EP400: variants seen among roughly 807,000 people sequenced by gnomAD.
EP400 encodes the protein E1A-binding protein p400.
EP400 carries 105 observed loss-of-function variants against 354.1 expected under a neutral mutation model. That is an observed-to-expected ratio of 0.30 (90% CI 0.25 to 0.35). EP400 has a LOEUF of 0.35. Ranked by LOEUF, EP400 falls within the 10% of genes least tolerant of loss-of-function variation. The probability of loss-of-function intolerance (pLI) is 1.00; values close to 1 mark genes in which losing one functional copy is unlikely to be tolerated. For missense variants in EP400, 3,280 were observed against 4,121.0 expected (o/e 0.80, Z 5.59); for synonymous variants, 1,646 against 1,716.9 (o/e 0.96, Z 1.02).
In EP400 at chr12:132,045,727, G is replaced by T; in HGVS notation, c.7027G>T (p.Ala2343Ser). 1 of 1,614,188 alleles carries T rather than the reference G, an allele frequency of 6.2e-7. No homozygotes were observed. The highest frequency in any genetic ancestry group is 1.1e-5 in the South Asian group (1 of 91,078). Reference protein sequence around the residue: ...LISEDWALLQAVKQLLELPLN... With the variant: ...LISEDWALLQSVKQLLELPLN... The stretch of plus-strand genomic sequence containing the variant: ...TTTTACCTGAAATCTCCTTCTCTAG[G>T]CTGTAAAGCAGTTACTGGAGCTGCC... Residue 2343 changes from alanine (A) to serine (S), a missense_variant and splice_region_variant, in exon 39 of 53, where the codon GCT becomes TCT. Ala to Ser is a moderately conservative substitution (Grantham distance 99). Coordinates refer to ENST00000389561, the MANE Select transcript of EP400 (RefSeq NM_015409.5).
At chr12:132,077,327 C>G in intron 52 of EP400, 74 bp from the exon 53 acceptor site, 1 of 1,534,924 alleles carries the variant, frequency 6.5e-7, no homozygotes, top group East Asian at 2.3e-5. Context: ...CTCCCCATCC[C>G]AAAGAACGTC....
At chr12:132,007,126 C>G (rs1387691218) in intron 15 of EP400, among the ~76,000 whole-genome samples, 1 of 152,182 alleles carries the variant, frequency 6.6e-6, no homozygotes, top group Non-Finnish European at 1.5e-5. Flanking sequence ...ATGACTGAAC[C>G]TTGTGACTCC....
At chr12:132,046,637 A>G (rs901760909) in intron 39 of EP400, among the ~76,000 whole-genome samples, 1 of 152,180 alleles carries the variant, frequency 6.6e-6, no homozygotes, top group Non-Finnish European at 1.5e-5. Context: ...ACCCCCGAAG[A>G]GTCCAGGCGG....
rs377251288 is a variant in EP400 at position 131,992,227 on chromosome 12, G to A, written c.2734G>A (p.Glu912Lys). 6.9e-5 allele frequency: 111 copies of A among 1,609,930 alleles called. No homozygotes were observed. The highest frequency in any genetic ancestry group is 2.0e-5 in the Non-Finnish European group (24 of 1,179,564). Residue 912 changes from glutamate to lysine, a missense_variant, in exon 11 of 53, where the codon GAA becomes AAA. Transcript: ENST00000389561. ...RKASISLTDD[E>K]VDDEEETIEE... The stretch of plus-strand genomic sequence containing the variant: ...AGCTAGCATATCTTTGACTGATGAC[G>A]AAGGTCTGTTCCCCCTCAGCACTAT...
chr12:131,958,838 G>A (rs1482994035), intron 1 of EP400, among the ~76,000 whole-genome samples: 1 of 152,204 alleles, frequency 6.6e-6, no homozygotes, highest in African/African-American at 2.4e-5. Flanking sequence ...ATCTTCTGTA[G>A]ATTCATGGTT....
chr12:131,986,618 A>G lies in EP400; in HGVS notation c.2034A>G (p.Pro678=). ...TCGCGCCTGTGAGTGGCTCCGGCCC[A>G]GGACCCTCCCCTGCTCGATCCTCTC... ...SSLAPVSGSG[P]GPSPARSSPV... is the part of the protein sequence containing the mutation. Residue 678 remains proline (P), a synonymous_variant, in exon 6 of 53, where the codon CCA becomes CCG. Transcript: ENST00000389561. 6.2e-7 allele frequency: 1 copy of G among 1,613,926 alleles called. No individual in the cohort carries two copies. Among genetic ancestry groups the G allele is most frequent in the African/African-American group, 1.3e-5 (1 of 74,974 alleles).
In EP400 at chr12:132,000,882, T is replaced by C. The variant is rs118059590; in HGVS notation, c.2828-4195T>C. 7.1e-3 allele frequency among the ~76,000 whole-genome samples: 1,081 copies of C among 152,376 alleles called. 34 individuals are homozygous for C. The South Asian group carries it at 0.093, about 13-fold the overall frequency. ...TATCTCTTGCTCTGTATTCAGACTT[T>C]CAGTCATCTCTTTTATTTCTTCAAA... On this transcript the variant is annotated intron_variant, in intron 12 of 52. Coordinates refer to ENST00000389561, the MANE Select transcript of EP400 (RefSeq NM_015409.5).
In EP400 at chr12:131,961,159, C is replaced by T; in HGVS notation, c.540C>T (p.Ile180=). Residue 180 remains isoleucine, a synonymous_variant, in exon 2 of 53, where the codon ATC becomes ATT. Transcript: ENST00000389561. Reference sequence around the variant, plus strand: ...ATGCCAGCGTGCTGGTGAGGCAGATCAGCTTGAGCCCCTCCAGTGGTGGAC... The same window carrying T: ...ATGCCAGCGTGCTGGTGAGGCAGATTAGCTTGAGCCCCTCCAGTGGTGGAC... ...FVDASVLVRQ[I]SLSPSSGGHF... 6.2e-7 allele frequency: 1 copy of T among 1,606,038 alleles called. No individual in the cohort carries two copies. Among genetic ancestry groups the T allele is most frequent in the Non-Finnish European group, 8.5e-7 (1 of 1,176,246 alleles).
chr12:131,969,502 A>T (rs1407170251), intron 2 of EP400, among the ~76,000 whole-genome samples: 1 of 152,042 alleles, frequency 6.6e-6, no homozygotes, highest in Non-Finnish European at 1.5e-5. Context: ...TTTGATGCTC[A>T]GGTTATCTGT....
chr12:132,025,746 C>A lies in EP400; in HGVS notation c.4956C>A (p.Gly1652=), dbSNP rs371912460. Residue 1652 remains glycine, a synonymous_variant, in exon 25 of 53, where the codon GGC becomes GGA. Transcript: ENST00000389561. This position sits in a 1 kb window ranked among gnomAD's most constrained non-coding sequence, Gnocchi z 4.1. ...QTVSQAGAVH[G]ALGSKPPAGG... ...TGTCTCAGGCGGGCGCTGTGCACGG[C>A]GCCCTGGGAAGCAAGCCCCCGGCCG... 1 of 1,612,488 alleles carries A rather than the reference C, an allele frequency of 6.2e-7. No individual in the cohort carries two copies. Among genetic ancestry groups the A allele is most frequent in the Non-Finnish European group, 8.5e-7 (1 of 1,179,620 alleles).
intron 21 of EP400, among the ~76,000 whole-genome samples, chr12:132,019,277 A>AG (rs1894044070): frequency 6.6e-6 from 1 of 152,318 alleles, no homozygotes; most frequent in East Asian, 1.9e-4. Context: ...CTTGGGCTCA[A>AG]GGGACCCTCC....
Position 132,062,115 on chromosome 12 carries a change from G to C in EP400, c.7890G>C (p.Pro2630=), listed in dbSNP as rs376672857. The C allele has an allele frequency of 6.2e-6, 10 of 1,612,356 alleles. No homozygotes were observed. The highest frequency in any genetic ancestry group is 2.7e-5 in the African/African-American group (2 of 74,866). Reference sequence around the variant, plus strand: ...CCTCTGTTTGCCTTTTCTAGACGCCGGGAGGCTCTGCTCCCGCCCAGGTGG... The same window carrying C: ...CCTCTGTTTGCCTTTTCTAGACGCCCGGAGGCTCTGCTCCCGCCCAGGTGG... ...SPVAPGALTT[P]GGSAPAQVVH... is the part of the protein sequence containing the mutation. The change falls in exon 46 of 53, where the codon CCG becomes CCC. Residue 2630 remains proline, a synonymous_variant. Transcript: ENST00000389561.
rs1892677469 is a variant in EP400 at position 131,981,435 on chromosome 12, C to G, written c.1436-54C>G. 2.1e-6 allele frequency: 3 copies of G among 1,411,670 alleles called. No individual in the cohort carries two copies. The South Asian group carries it at 3.8e-5, about 18-fold the overall frequency. 87.4% of individuals were successfully genotyped at this position (1,411,670 alleles called of 1,614,324 possible). ...AAAACACACATGTTTTTTTCTACTA[C>G]TTCTCTGGTTTTATTTTTACATCAA... On this transcript the variant is annotated intron_variant, in intron 3 of 52. Transcript: ENST00000389561.
intron 16 of EP400, among the ~76,000 whole-genome samples, chr12:132,012,463 C>T (rs1165973816): frequency 6.6e-6 from 1 of 152,176 alleles, no homozygotes; most frequent in Non-Finnish European, 1.5e-5. Flanking sequence ...AAGCTGGTTC[C>T]CTCCAGCCCT....
At chr12:132,043,183 T>C (rs1184391670) in intron 32 of EP400, 121 bp from the exon 33 acceptor site, 7 of 1,080,356 alleles carry the variant, frequency 6.5e-6, no homozygotes, top group Non-Finnish European at 9.1e-6. Context: ...TGGATTACCT[T>C]TATGGAGAGT....
At chr12:131,986,493 A>G (rs775241334) in intron 5 of EP400, 21 bp from the exon 6 acceptor site, 17 of 1,569,060 alleles carry the variant, frequency 1.1e-5, no homozygotes, top group African/African-American at 5.4e-5. Flanking sequence ...ACCTTGCTCC[A>G]CTTGTGCCCT....
At chr12:131,986,060 A>C (rs1211937411) in intron 5 of EP400, among the ~76,000 whole-genome samples, 1 of 152,092 alleles carries the variant, frequency 6.6e-6, no homozygotes, top group Non-Finnish European at 1.5e-5. Flanking sequence ...CTGCAGTCTC[A>C]ACCTCCCAGG....
At chr12:131,988,997 C>T (rs953623063) in intron 7 of EP400, among the ~76,000 whole-genome samples, 1 of 152,170 alleles carries the variant, frequency 6.6e-6, no homozygotes, top group Non-Finnish European at 1.5e-5. Flanking sequence ...CCAGAAAAAC[C>T]CAGATTCTTC....
rs1894768902 is a variant in EP400 at position 132,037,867 on chromosome 12, C to A, written c.6063+74C>A. Reference sequence around the variant, plus strand: ...CGTGGAATCGCATGGTGTTAGTGCACACTAGCAAGGGGCTTAGGTCTCCAG... The same window carrying A: ...CGTGGAATCGCATGGTGTTAGTGCAAACTAGCAAGGGGCTTAGGTCTCCAG... On this transcript the variant is annotated intron_variant, in intron 31 of 52. Transcript: ENST00000389561. The A allele has an allele frequency of 1.9e-6, 3 of 1,611,532 alleles. No homozygotes were observed. In the South Asian group the frequency reaches 3.3e-5, roughly 18 times the overall value.
Sources: allele counts gnomAD v4.1 joint callset (sites outside exome capture counted in the v4.1 genomes callset), GRCh38; gene constraint gnomAD v4.1.1; non-coding constraint Gnocchi (gnomAD v3.1); transcripts MANE v1.5; gene names NCBI Gene and HGNC (gene_info 2026-07-23, HGNC 2026-07-21).